SYNPR: variants seen among roughly 807,000 people sequenced by gnomAD.
SYNPR encodes synaptoporin.
Under a neutral mutation model 32.9 loss-of-function variants are expected in SYNPR, and 23 were observed. The ratio of observed to expected loss-of-function variants is 0.70; its 90% CI spans 0.50 to 0.99. The LOEUF is 0.99. SYNPR is among the 50% of genes least tolerant of loss of function. The pLI, the probability that SYNPR is intolerant of heterozygous loss-of-function variation, is 0.00. For synonymous variants in SYNPR, 146 were observed against 135.9 expected (o/e 1.07, Z -0.52); for missense variants, 318 against 349.3 (o/e 0.91, Z 0.71).
chr3:63,432,309 G>A (rs555166842), intron 2 of SYNPR, among the ~76,000 whole-genome samples: 1 of 152,222 alleles, frequency 6.6e-6, no homozygotes, highest in East Asian at 1.9e-4. Flanking sequence ...CATTCTCGGG[G>A]AGAGGCAACC....
intron 4 of SYNPR, among the ~76,000 whole-genome samples, chr3:63,560,439 C>T (rs1376918866): frequency 6.6e-6 from 1 of 152,156 alleles, no homozygotes; most frequent in East Asian, 1.9e-4. Context: ...GGAGCAAGGT[C>T]TCAAGAGGGT....
the SYNPR span, among the ~76,000 whole-genome samples, chr3:63,211,484 A>G: frequency 1.3e-5 from 2 of 152,334 alleles, no homozygotes; most frequent in East Asian, 3.9e-4. Context: ...AATCTTTGCA[A>G]GTGCTCACTA....
rs183740542 is a variant in SYNPR, at chr3:63,553,644, G to A, written c.210-2899G>A. On this transcript the variant is annotated intron_variant, in intron 3 of 5. Transcript: ENST00000478300. ...TGAGATATTATCTCATCATGGTTTT[G>A]ATTTGCATTTCTCTGATGATTAGTG... Among the ~76,000 whole-genome samples, 5 of 152,278 alleles carry A rather than the reference G, an allele frequency of 3.3e-5. No individual in the cohort carries two copies. In the East Asian group the frequency reaches 7.7e-4, roughly 23 times the overall value.
At chr3:63,610,991 G>T (rs957365019) in intron 5 of SYNPR, among the ~76,000 whole-genome samples, 1 of 152,168 alleles carries the variant, frequency 6.6e-6, no homozygotes, top group Non-Finnish European at 1.5e-5. Context: ...ATCCATATCA[G>T]TTAACAGTCT....
chr3:63,417,414 G>T (rs1177892372), intron 2 of SYNPR, among the ~76,000 whole-genome samples: 1 of 152,184 alleles, frequency 6.6e-6, no homozygotes, highest in African/African-American at 2.4e-5. Context: ...AGTGTCTGCA[G>T]CTTTTCCAGG....
intron 3 of SYNPR, among the ~76,000 whole-genome samples, chr3:63,498,078 C>T (rs530081651): frequency 2.6e-5 from 4 of 152,230 alleles, no homozygotes; most frequent in Non-Finnish European, 5.9e-5. Flanking sequence ...TTTGAGCCCT[C>T]GTTCATTCAC....
intron 3 of SYNPR, among the ~76,000 whole-genome samples, chr3:63,506,477 A>G (rs1254937256): frequency 6.6e-6 from 1 of 152,186 alleles, no homozygotes; most frequent in African/African-American, 2.4e-5. Flanking sequence ...TTTCAGAACT[A>G]TTAATCCTGT....
At chr3:63,268,699 T>TGC (rs2086510955) in intron 3 of SYNPR, among the ~76,000 whole-genome samples, 1 of 105,062 alleles carries the variant, frequency 9.5e-6, no homozygotes, top group Non-Finnish European at 2.1e-5. Context: ...GATCTTGCTG[T>TGC]CTCAGGGGTG....
intron 3 of SYNPR, among the ~76,000 whole-genome samples, chr3:63,538,651 G>T (rs1171098007): frequency 6.6e-6 from 1 of 151,954 alleles, no homozygotes. Context: ...GCCATCCTGT[G>T]CCCCCACCAT....
chr3:63,306,403 A>G (rs1179239066), intron 2 of SYNPR, among the ~76,000 whole-genome samples: 1 of 151,970 alleles, frequency 6.6e-6, no homozygotes, highest in Admixed American at 6.6e-5. Context: ...GGCTGTCATT[A>G]TAAATAGGAT....
chr3:63,255,147 C>T (rs2086371233), intron 2 of SYNPR, among the ~76,000 whole-genome samples: 1 of 152,176 alleles, frequency 6.6e-6, no homozygotes, highest in Non-Finnish European at 1.5e-5. Flanking sequence ...AACATCTCTC[C>T]AGACATTACC....
chr3:63,366,872 G>A (rs1046598250), intron 2 of SYNPR, among the ~76,000 whole-genome samples: 1 of 152,190 alleles, frequency 6.6e-6, no homozygotes, highest in African/African-American at 2.4e-5. Flanking sequence ...TGTACAGACT[G>A]AAGATTAAAT....
chr3:63,305,102 T>C (rs1240488842), intron 2 of SYNPR, among the ~76,000 whole-genome samples: 1 of 151,970 alleles, frequency 6.6e-6, no homozygotes, highest in African/African-American at 2.4e-5. Context: ...ATTGCACTGA[T>C]TTGGTGGTCT....
intron 2 of SYNPR, among the ~76,000 whole-genome samples, chr3:63,356,162 G>A (rs1420497410): frequency 6.6e-6 from 1 of 152,126 alleles, no homozygotes; most frequent in Non-Finnish European, 1.5e-5. Flanking sequence ...TGTCCTTTGT[G>A]GAAGTCCAGA....
intron 4 of SYNPR, among the ~76,000 whole-genome samples, chr3:63,591,748 T>C (rs1286888729): frequency 1.9e-4 from 24 of 123,750 alleles, no homozygotes; most frequent in African/African-American, 6.9e-4. Context: ...TAGGTGGGAA[T>C]TGAACAATGA....
At position 63,451,153 on chromosome 3, in the gene SYNPR, A is replaced by T. The variant is rs192794737; in HGVS notation, c.85-29679A>T. ...GTAACTTCCCAGAGTTATGAAGAAG[A>T]TTGCTGTCATAGATGAAATAGGAAA... On this transcript the variant is annotated intron_variant, in intron 2 of 5. Coordinates refer to ENST00000478300, the MANE Select transcript of SYNPR (RefSeq NM_001130003.2). Among the ~76,000 whole-genome samples, 443 of 152,288 alleles carry T rather than the reference A, an allele frequency of 2.9e-3. 3 individuals carry two copies. Among genetic ancestry groups the T allele is most frequent in the African/African-American group, 0.01 (430 of 41,546 alleles).
At chr3:63,416,744 A>G (rs528122359) in intron 2 of SYNPR, among the ~76,000 whole-genome samples, 1 of 152,198 alleles carries the variant, frequency 6.6e-6, no homozygotes, top group East Asian at 1.9e-4. Context: ...TCTTACGTGG[A>G]TGGCAGCAGG....
rs955961282 is a variant in SYNPR at position 63,587,765 on chromosome 3, G to A, written c.409-21360G>A. On this transcript the variant is annotated intron_variant, in intron 4 of 5. Transcript: ENST00000478300. ...CTTGAGGTAATTTAGGTATCCTTGA[G>A]GTAATTGTTGGATTACCTCGGAGCA... 5.9e-5 allele frequency among the ~76,000 whole-genome samples: 9 copies of A among 152,050 alleles called. No individual in the cohort carries two copies. In the East Asian group the frequency reaches 1.7e-3, roughly 29 times the overall value.
At chr3:63,312,541 T>C (rs2086978424) in intron 2 of SYNPR, among the ~76,000 whole-genome samples, 1 of 152,044 alleles carries the variant, frequency 6.6e-6, no homozygotes, top group African/African-American at 2.4e-5. Flanking sequence ...ACTCATTTTC[T>C]ACTTTCAGAA....
Sources: allele counts gnomAD v4.1 joint callset (sites outside exome capture counted in the v4.1 genomes callset), GRCh38; gene constraint gnomAD v4.1.1; transcripts MANE v1.5; gene names NCBI Gene and HGNC (gene_info 2026-07-23, HGNC 2026-07-21).